The following GPC6 variants were observed in gnomAD, a reference collection of about 807,000 sequenced individuals.
The protein encoded by GPC6 is glypican 6.
A neutral mutation model predicts 55.2 loss-of-function variants in GPC6; 14 were observed. The observed-to-expected ratio is 0.25, with a 90% CI of 0.17 to 0.40. The LOEUF (loss-of-function observed/expected upper bound fraction) is 0.40. Among genes scored for constraint, GPC6 ranks in the 10% least tolerant of loss-of-function variants. The probability of loss-of-function intolerance (pLI) is 1.00; values close to 1 mark genes in which losing one functional copy is unlikely to be tolerated. For missense variants in GPC6, 641 were observed against 708.5 expected (o/e 0.90, Z 1.08); for synonymous variants, 278 against 259.6 (o/e 1.07, Z -0.68).
intron 2 of GPC6, among the ~76,000 whole-genome samples, chr13:93,803,440 T>G (rs1002004574): frequency 6.6e-6 from 1 of 152,146 alleles, no homozygotes; most frequent in African/African-American, 2.4e-5. Context: ...ACAACAAGTA[T>G]TGGTGGGAAA....
chr13:94,226,876 G>A (rs1026640548), intron 4 of GPC6, among the ~76,000 whole-genome samples: 1 of 152,144 alleles, frequency 6.6e-6, no homozygotes, highest in East Asian at 1.9e-4. Flanking sequence ...CTAGAGTTCT[G>A]TGAAAACAAT....
chr13:94,153,456 G>A (rs1426364995), intron 4 of GPC6, among the ~76,000 whole-genome samples: 1 of 152,088 alleles, frequency 6.6e-6, no homozygotes, highest in African/African-American at 2.4e-5. Flanking sequence ...TCTTTATGAA[G>A]CACATTAACA....
intron 4 of GPC6, among the ~76,000 whole-genome samples, chr13:94,083,361 G>T (rs957451216): frequency 2.7e-4 from 41 of 152,194 alleles, no homozygotes; most frequent in African/African-American, 9.9e-4. Flanking sequence ...CTTGTGATGC[G>T]CCCACCTTGG....
intron 4 of GPC6, among the ~76,000 whole-genome samples, chr13:94,054,476 T>A (rs1426399675): frequency 6.6e-6 from 1 of 152,128 alleles, no homozygotes; most frequent in Non-Finnish European, 1.5e-5. Context: ...TTCTAACAAG[T>A]CCCCAAGTGC....
At chr13:93,900,290 A>G (rs1876274275) in intron 3 of GPC6, among the ~76,000 whole-genome samples, 1 of 152,136 alleles carries the variant, frequency 6.6e-6, no homozygotes. Context: ...AAAAAAAGCC[A>G]AACATTCAGT....
intron 1 of GPC6, among the ~76,000 whole-genome samples, chr13:93,286,722 A>G (rs1878139847): frequency 6.6e-6 from 1 of 152,196 alleles, no homozygotes; most frequent in African/African-American, 2.4e-5. Flanking sequence ...GAAACAGCCC[A>G]AGAAGACAGC....
At chr13:94,368,218 T>C (rs1438334051) in intron 6 of GPC6, among the ~76,000 whole-genome samples, 5 of 150,322 alleles carry the variant, frequency 3.3e-5, no homozygotes, top group African/African-American at 1.2e-4. Flanking sequence ...CTAGAAATTA[T>C]CATTGAACTC....
chr13:93,719,128 A>G (rs1266921855), intron 2 of GPC6, among the ~76,000 whole-genome samples: 1 of 151,892 alleles, frequency 6.6e-6, no homozygotes, highest in African/African-American at 2.4e-5. Flanking sequence ...AAGAAAGTCA[A>G]AGGTAGCTTG....
At chr13:94,109,828 T>C (rs768426656) in intron 4 of GPC6, among the ~76,000 whole-genome samples, 115 of 152,214 alleles carry the variant, frequency 7.6e-4, no homozygotes, top group South Asian at 1.7e-3. Context: ...CAGATCTCTT[T>C]AGTGATGAGT....
At chr13:93,705,581 G>A (rs1056604312) in intron 2 of GPC6, among the ~76,000 whole-genome samples, 2 of 151,720 alleles carry the variant, frequency 1.3e-5, no homozygotes, top group African/African-American at 4.8e-5. Context: ...GAGAGGAGAG[G>A]GAAGCTGTGA....
At chr13:93,319,830 T>G (rs1325382382) in intron 1 of GPC6, among the ~76,000 whole-genome samples, 4 of 151,996 alleles carry the variant, frequency 2.6e-5, no homozygotes, top group Non-Finnish European at 4.4e-5. Context: ...GAAAAATACA[T>G]ATGTATTTTT....
At chr13:94,300,967 C>T (rs1323441248) in intron 5 of GPC6, among the ~76,000 whole-genome samples, 2 of 152,182 alleles carry the variant, frequency 1.3e-5, no homozygotes, top group African/African-American at 2.4e-5. Context: ...ATCTGAATCA[C>T]GTCTCTCCTT....
At chr13:94,175,190 C>A (rs181510171) in intron 4 of GPC6, among the ~76,000 whole-genome samples, 12 of 152,268 alleles carry the variant, frequency 7.9e-5, no homozygotes, top group African/African-American at 2.9e-4. Context: ...TATTATTAGT[C>A]ATTGCCTCTA....
chr13:93,620,669 C>A (rs1040729224), intron 2 of GPC6, among the ~76,000 whole-genome samples: 4 of 152,166 alleles, frequency 2.6e-5, no homozygotes, highest in African/African-American at 9.7e-5. Context: ...CATCCAAATT[C>A]TAAAAATATG....
intron 1 of GPC6, 32 bp from the exon 2 acceptor site, chr13:93,545,231 A>G: frequency 6.3e-7 from 1 of 1,587,462 alleles, no homozygotes; most frequent in Non-Finnish European, 8.6e-7. Flanking sequence ...AGTCCTTAGA[A>G]TGCAATAGTG....
In GPC6 at chr13:94,047,182, G is replaced by A. The variant is rs568414415; in HGVS notation, c.877+19288G>A. On this transcript the variant is annotated intron_variant, in intron 4 of 8. Coordinates refer to ENST00000377047, the MANE Select transcript of GPC6 (RefSeq NM_005708.5). ...ATTGGTATTCTTGGATAATGTTAAA[G>A]GATAGTAAAATCAGGAAAACAGCAC... Among the ~76,000 whole-genome samples, 8 of 151,982 alleles carry A rather than the reference G, an allele frequency of 5.3e-5. 1 individual carries two copies. Among genetic ancestry groups the A allele is most frequent in the Non-Finnish European group, 5.9e-5 (4 of 67,968 alleles).
intron 1 of GPC6, among the ~76,000 whole-genome samples, chr13:93,407,325 T>C (rs1364692477): frequency 2.0e-5 from 3 of 152,166 alleles, no homozygotes; most frequent in East Asian, 1.9e-4. Flanking sequence ...ATCTAGGTGG[T>C]GGGTCACATC....
chr13:94,161,228 C>T (rs917834941), intron 4 of GPC6, among the ~76,000 whole-genome samples: 2 of 152,106 alleles, frequency 1.3e-5, no homozygotes, highest in African/African-American at 4.8e-5. Context: ...ATTCAAAGAG[C>T]AGAGAGAAAA....
chr13:93,378,203 G>T (rs1470338856), intron 1 of GPC6, among the ~76,000 whole-genome samples: 1 of 152,166 alleles, frequency 6.6e-6, no homozygotes, highest in East Asian at 1.9e-4. Flanking sequence ...AATCAGAAAT[G>T]ACCAAAGAAA....
Sources: gnomAD v4.1 joint callset for allele counts (sites outside exome capture counted in the v4.1 genomes callset) on GRCh38, gnomAD v4.1.1 for gene constraint, MANE v1.5 for transcripts, NCBI Gene and HGNC (gene_info 2026-07-23, HGNC 2026-07-21) for gene names.